G2E3: variants seen among roughly 807,000 people sequenced by gnomAD.
G2E3 encodes G2/M phase-specific E3 ubiquitin-protein ligase.
In G2E3, 35 loss-of-function variants were observed where a neutral mutation model predicts 92.8. That is an observed-to-expected ratio of 0.38 (90% CI 0.29 to 0.50). The LOEUF (loss-of-function observed/expected upper bound fraction) is 0.50. Among genes scored for constraint, G2E3 ranks in the 20% least tolerant of loss-of-function variants. The probability of loss-of-function intolerance (pLI) is 0.94; values close to 1 mark genes in which losing one functional copy is unlikely to be tolerated. For missense variants in G2E3, 554 were observed against 823.8 expected, an observed-to-expected ratio of 0.67 and a Z score of 4.01; for synonymous variants, 242 against 272.4, an observed-to-expected ratio of 0.89 and a Z score of 1.10.
At chr14:30,564,249 A>T (rs1005816807) in intron 1 of G2E3, among the ~76,000 whole-genome samples, 1 of 152,222 alleles carries the variant, frequency 6.6e-6, no homozygotes, top group African/African-American at 2.4e-5. Context: ...ACCTTTGTGT[A>T]CAATGGACAT....
At chr14:30,577,566 A>G (rs938165383) in intron 1 of G2E3, among the ~76,000 whole-genome samples, 3 of 152,164 alleles carry the variant, frequency 2.0e-5, no homozygotes, top group African/African-American at 7.2e-5. Context: ...GCTTATTCAC[A>G]TAACAGAAGG....
intron 2 of G2E3, among the ~76,000 whole-genome samples, chr14:30,586,019 T>C (rs73264333): frequency 0.017 from 2,557 of 152,330 alleles, 92 homozygotes; most frequent in African/African-American, 0.058. Context: ...GTCTATCTGC[T>C]GCTTTCCCTA....
chr14:30,581,750 C>T (rs1272667083), intron 2 of G2E3, among the ~76,000 whole-genome samples: 3 of 152,094 alleles, frequency 2.0e-5, no homozygotes, highest in Non-Finnish European at 4.4e-5. Context: ...CTTACCTCTA[C>T]GTGCTCACAA....
chr14:30,591,834 T>G (rs1440502790), intron 4 of G2E3, among the ~76,000 whole-genome samples: 1 of 152,172 alleles, frequency 6.6e-6, no homozygotes, highest in Non-Finnish European at 1.5e-5. Context: ...AGCATAACTT[T>G]TTGGAGACCA....
chr14:30,592,726 G>A (rs949138279), intron 5 of G2E3, among the ~76,000 whole-genome samples: 7 of 152,004 alleles, frequency 4.6e-5, no homozygotes, highest in African/African-American at 1.7e-4. Flanking sequence ...ATAATTCAGT[G>A]AAAATCTCCA....
intron 10 of G2E3, 144 bp downstream of exon 10, chr14:30,602,275 A>C (rs1477165282): frequency 8.2e-6 from 5 of 609,042 alleles, no homozygotes; most frequent in Non-Finnish European, 1.1e-5. Context: ...ACATTTGATC[A>C]TGAAATCAAT....
Position 30,593,546 on chromosome 14 carries a change from C to T in G2E3, c.435C>T (p.Thr145=). The T allele has an allele frequency of 6.4e-7, 1 of 1,569,990 alleles. No individual in the cohort carries two copies. The highest frequency in any genetic ancestry group is 8.8e-7 in the Non-Finnish European group (1 of 1,140,398). Residue 145 remains threonine, a synonymous_variant, in exon 6 of 15, where the codon ACC becomes ACT. Coordinates refer to ENST00000206595, the MANE Select transcript of G2E3 (RefSeq NM_017769.5). ...ATTATAGAGAGTCCTTACCATGCAC[C>T]ATTTGCTTGGAATTTATTGAGCCTA... ...SNNYRESLPC[T]ICLEFIEPIP...
At position 30,605,736 on chromosome 14, in the gene G2E3, T is replaced by A; in HGVS notation, c.1242T>A (p.Ser414Arg). ...EHPGSKQEFL[S>R]LLMQHLENSS... ...CTGGATCAAAGCAAGAATTTCTGAG[T>A]CTCTTAATGCAACATCTTGAGAACT... is the stretch of plus-strand genomic sequence containing the variant. The change falls in exon 11 of 15, where the codon AGT becomes AGA. Residue 414 changes from serine (S) to arginine (R), a missense_variant. By Grantham distance (110) the Ser-to-Arg change is moderately radical (BLOSUM62 -1). This residue lies in a region of G2E3 where 397 missense variants were observed against 560.3 expected (regional missense o/e 0.71). Coordinates refer to ENST00000206595, the MANE Select transcript of G2E3 (RefSeq NM_017769.5). 2 of 1,608,374 alleles carry A rather than the reference T, an allele frequency of 1.2e-6. No homozygotes were observed.
chr14:30,586,226 C>T (rs1455869676), intron 2 of G2E3, among the ~76,000 whole-genome samples: 1 of 152,194 alleles, frequency 6.6e-6, no homozygotes, highest in African/African-American at 2.4e-5. Flanking sequence ...ATTTTACCCC[C>T]TCTTGGACCA....
At chr14:30,608,841 G>T (rs939771997) in intron 12 of G2E3, among the ~76,000 whole-genome samples, 3 of 152,228 alleles carry the variant, frequency 2.0e-5, no homozygotes, top group African/African-American at 7.2e-5. Context: ...CCTTAGCCAG[G>T]CGTGGTGGCA....
At chr14:30,604,537 C>T (rs1055192237) in intron 10 of G2E3, among the ~76,000 whole-genome samples, 16 of 152,256 alleles carry the variant, frequency 1.1e-4, no homozygotes, top group South Asian at 4.1e-4. Flanking sequence ...TCTATAGATG[C>T]GCTGTAGGGC....
chr14:30,565,351 A>G (rs1020616829), intron 1 of G2E3, among the ~76,000 whole-genome samples: 19 of 152,114 alleles, frequency 1.2e-4, no homozygotes, highest in East Asian at 1.9e-4. Flanking sequence ...AAGAGTTTCT[A>G]ATGTATTCTA....
rs1487651636 is a variant in G2E3, at chr14:30,608,023, T to A, written c.1454T>A (p.Ile485Asn). The change falls in exon 12 of 15, where the codon ATT (isoleucine) becomes AAT (asparagine). Residue 485 changes from isoleucine to asparagine, a missense_variant. Around this residue, in one of 3 missense-constraint regions of G2E3, gnomAD observed 397 missense variants for 560.3 expected, o/e 0.71. Transcript: ENST00000206595. ...TATGGACCAGAAAATACCCAGCCAA[T>A]TTTAGATGATGTTTCAGACTTTGAT... ...LVYGPENTQP[I>N]LDDVSDFDVA... 69 of 1,599,596 alleles carry A rather than the reference T, an allele frequency of 4.3e-5. No homozygotes were observed. The highest frequency in any genetic ancestry group is 5.8e-5 in the Non-Finnish European group (68 of 1,175,046).
At chr14:30,586,896 T>C (rs1410708395) in intron 3 of G2E3, 81 bp downstream of exon 3, 1 of 469,330 alleles carries the variant, frequency 2.1e-6, no homozygotes, top group Non-Finnish European at 3.8e-6. Flanking sequence ...TTTCTGAGAA[T>C]TGGATAAGTC....
intron 4 of G2E3, chr14:30,590,829 C>G: frequency 2.2e-6 from 1 of 444,740 alleles, no homozygotes; most frequent in South Asian, 1.6e-5. Context: ...AAGGTGGTCT[C>G]TAAAGGTCCC....
chr14:30,566,044 G>T (rs1308977575), intron 1 of G2E3, among the ~76,000 whole-genome samples: 1 of 152,092 alleles, frequency 6.6e-6, no homozygotes, highest in Non-Finnish European at 1.5e-5. Context: ...AATGGTCTTG[G>T]CACCCTTATT....
chr14:30,570,651 T>C (rs1368264159), intron 1 of G2E3, among the ~76,000 whole-genome samples: 3 of 152,176 alleles, frequency 2.0e-5, no homozygotes, highest in African/African-American at 4.8e-5. Flanking sequence ...ATTTCAGTTA[T>C]TGTACTTTTC....
chr14:30,581,316 A>G (rs1056380850), intron 2 of G2E3, among the ~76,000 whole-genome samples, 200 bp downstream of exon 2: 5 of 152,126 alleles, frequency 3.3e-5, no homozygotes, highest in African/African-American at 1.2e-4. Flanking sequence ...TATTTGTTTT[A>G]TGTATATAAG....
intron 1 of G2E3, among the ~76,000 whole-genome samples, chr14:30,577,223 C>CAAAAAAAAAAAAAAA (rs59757142): frequency 2.5e-5 from 2 of 80,736 alleles, no homozygotes; most frequent in East Asian, 3.4e-4. Flanking sequence ...GACTCTGTCT[C>CAAAAAAAAAAAAAAA]AAAAAAAAAA....
Sources: gnomAD v4.1 joint callset for allele counts (sites outside exome capture counted in the v4.1 genomes callset) on GRCh38, gnomAD v4.1.1 for gene constraint, gnomAD v4.1.1 regional missense constraint, MANE v1.5 for transcripts, NCBI Gene and HGNC (gene_info 2026-07-23, HGNC 2026-07-21) for gene names.